Variants in HEATR5B observed in about 807,000 individuals in gnomAD.
HEATR5B encodes HEAT repeat-containing protein 5B.
A neutral mutation model predicts 224.1 loss-of-function variants in HEATR5B; 156 were observed. That is an observed-to-expected ratio of 0.70 (90% confidence interval 0.61 to 0.80). The LOEUF is 0.80. Ranked by LOEUF, HEATR5B falls within the 30% of genes least tolerant of loss-of-function variation. The pLI is 0.00. For missense variants in HEATR5B, 2,323 were observed against 2,535.5 expected, an observed-to-expected ratio of 0.92 and a Z score of 1.80; for synonymous variants, 1,027 against 893.0, an observed-to-expected ratio of 1.15 and a Z score of -2.68.
intron 2 of HEATR5B, among the ~76,000 whole-genome samples, 177 bp downstream of exon 2, chr2:37,083,112 A>G (rs938496797): frequency 2.6e-5 from 4 of 152,200 alleles, no homozygotes; most frequent in African/African-American, 4.8e-5. Context: ...AAGATAGGCA[A>G]TGAGCTGGAT....
Position 37,064,769 on chromosome 2 carries a change from G to T in HEATR5B, c.1555C>A (p.Pro519Thr). ...AALLGGVHQCPLGIPHAKGKM... is the reference protein window; with the variant it reads ...AALLGGVHQCTLGIPHAKGKM... The stretch of plus-strand genomic sequence containing the variant: ...CCTTTGGCATGAGGAATGCCCAAAG[G>T]ACACTGATGTACTCCACCTAACAAA... The change falls in exon 10 of 36, where the codon CCT (proline) becomes ACT (threonine). Residue 519 changes from proline to threonine, a missense_variant. Coordinates refer to ENST00000233099, the MANE Select transcript of HEATR5B (RefSeq NM_019024.3). 1.2e-6 allele frequency: 2 copies of T among 1,614,024 alleles called. No individual in the cohort carries two copies. Among genetic ancestry groups the T allele is most frequent in the Non-Finnish European group, 1.7e-6 (2 of 1,179,998 alleles).
chr2:37,079,846 T>C (rs934215523), intron 2 of HEATR5B, among the ~76,000 whole-genome samples: 2 of 152,212 alleles, frequency 1.3e-5, no homozygotes, highest in Admixed American at 6.5e-5. Flanking sequence ...TATTATGTAC[T>C]TAACGTATGC....
At chr2:37,049,631 G>T in intron 18 of HEATR5B, 22 bp downstream of exon 18, 1 of 1,597,830 alleles carries the variant, frequency 6.3e-7, no homozygotes. Flanking sequence ...CATGAAACTT[G>T]TTAGTAAAGA....
intron 6 of HEATR5B, among the ~76,000 whole-genome samples, chr2:37,071,787 C>T (rs1024614856): frequency 1.3e-5 from 2 of 151,572 alleles, no homozygotes; most frequent in East Asian, 3.9e-4. Flanking sequence ...CGGGTTCATG[C>T]GATTCTCCTG....
intron 21 of HEATR5B, among the ~76,000 whole-genome samples, chr2:37,035,596 C>T (rs1669427602): frequency 3.9e-5 from 6 of 152,194 alleles, no homozygotes; most frequent in Admixed American, 3.9e-4. Flanking sequence ...CACCACTCTT[C>T]TACTCCACTT....
At chr2:37,050,987 A>G (rs1441713559) in intron 17 of HEATR5B, among the ~76,000 whole-genome samples, 7 of 152,182 alleles carry the variant, frequency 4.6e-5, no homozygotes, top group Non-Finnish European at 1.5e-5. Flanking sequence ...ATGAGACTGC[A>G]GTGAGCCAAC....
At chr2:36,989,659 T>C (rs1032798911) in intron 34 of HEATR5B, among the ~76,000 whole-genome samples, 6 of 152,156 alleles carry the variant, frequency 3.9e-5, no homozygotes, top group Non-Finnish European at 8.8e-5. Flanking sequence ...TTAGAAAGGC[T>C]TCAGATTAAC....
intron 12 of HEATR5B, among the ~76,000 whole-genome samples, chr2:37,059,414 GT>G (rs1671118596): frequency 1.4e-5 from 1 of 70,210 alleles, no homozygotes; most frequent in Non-Finnish European, 2.6e-5. Flanking sequence ...ATATGTGTGT[GT>G]GTGTGTGTGT....
intron 17 of HEATR5B, among the ~76,000 whole-genome samples, chr2:37,051,781 C>T (rs959130593): frequency 6.6e-6 from 1 of 152,056 alleles, no homozygotes; most frequent in Non-Finnish European, 1.5e-5. Context: ...GCTCTGTCCC[C>T]CAGGCTGGAG....
intron 35 of HEATR5B, among the ~76,000 whole-genome samples, chr2:36,983,373 CAAAAAAA>C (rs57119983): frequency 7.2e-6 from 1 of 139,732 alleles, no homozygotes; most frequent in Non-Finnish European, 1.6e-5. Context: ...ACTAAAAATA[CAAAAAAA>C]AAAAAAAAAT....
intron 21 of HEATR5B, among the ~76,000 whole-genome samples, chr2:37,036,089 T>C (rs1308801116): frequency 1.3e-5 from 2 of 152,228 alleles, no homozygotes; most frequent in Non-Finnish European, 2.9e-5. Context: ...AGCAAATCAC[T>C]ACCATCTTCT....
At chr2:37,063,437 C>T (rs559350820) in intron 10 of HEATR5B, among the ~76,000 whole-genome samples, 2 of 152,242 alleles carry the variant, frequency 1.3e-5, no homozygotes, top group South Asian at 4.1e-4. Context: ...GTTTACCAGA[C>T]AAAGGAGATT....
Position 37,083,424 on chromosome 2 carries a change from T to C in HEATR5B, c.-10A>G, listed in dbSNP as rs1672742580. 2 of 1,607,818 alleles carry C rather than the reference T, an allele frequency of 1.2e-6. No individual in the cohort carries two copies. The highest frequency in any genetic ancestry group is 1.7e-5 in the Admixed American group (1 of 59,040). ...TGTGGGCTAACTCCATTACGGAAGT[T>C]TGAAATTCACACCTTAAATTTAACA... On this transcript the variant is annotated 5_prime_UTR_variant, in exon 2 of 36. Transcript: ENST00000233099.
intron 24 of HEATR5B, among the ~76,000 whole-genome samples, chr2:37,025,079 G>A (rs543240118): frequency 3.3e-5 from 5 of 152,326 alleles, no homozygotes; most frequent in African/African-American, 1.2e-4. Flanking sequence ...TGATAGAGGA[G>A]AGCCTGAATA....
At chr2:37,054,190 C>CTTTTTTTTTTTTTTTT in intron 16 of HEATR5B, among the ~76,000 whole-genome samples, 1 of 93,742 alleles carries the variant, frequency 1.1e-5, no homozygotes, top group Non-Finnish European at 2.0e-5. Context: ...GATGATTTCT[C>CTTTTTTTTTTTTTTTT]TGTTTTTTTT....
At chr2:37,037,643 T>A (rs965758375) in intron 21 of HEATR5B, among the ~76,000 whole-genome samples, 1 of 152,194 alleles carries the variant, frequency 6.6e-6, no homozygotes, top group Non-Finnish European at 1.5e-5. Flanking sequence ...TTAAAATAAC[T>A]ATGGATTATT....
Position 37,049,646 on chromosome 2 carries a change from C to T in HEATR5B, c.2696+7G>A. Reference sequence around the variant, plus strand: ...CATGAAACTTGTTAGTAAAGAAACCCACTTACTTGTCAAAGCTATATTGGG... The same window carrying T: ...CATGAAACTTGTTAGTAAAGAAACCTACTTACTTGTCAAAGCTATATTGGG... On this transcript the variant is annotated splice_region_variant and intron_variant, in intron 18 of 35. Coordinates refer to ENST00000233099, the MANE Select transcript of HEATR5B (RefSeq NM_019024.3). 1 of 1,608,100 alleles carries T rather than the reference C, an allele frequency of 6.2e-7. No homozygotes were observed. Among genetic ancestry groups the T allele is most frequent in the Non-Finnish European group, 8.5e-7 (1 of 1,178,018 alleles).
At position 37,044,325 on chromosome 2, in the gene HEATR5B, T is replaced by C. The variant is rs575903681; in HGVS notation, c.2697-3033A>G. 8.5e-5 allele frequency among the ~76,000 whole-genome samples: 13 copies of C among 152,356 alleles called. No homozygotes were observed. In the South Asian group the frequency reaches 2.5e-3, roughly 29 times the overall value. ...ACCACTGAGCTGTCTTCTATCATTA[T>C]AGTTTACCTTTTATATAGTTTCATA... is the stretch of plus-strand genomic sequence containing the variant. On this transcript the variant is annotated intron_variant, in intron 18 of 35. Transcript: ENST00000233099.
intron 17 of HEATR5B, 133 bp from the exon 18 acceptor site, chr2:37,049,976 G>A (rs1046860009): frequency 1.4e-5 from 11 of 811,920 alleles, no homozygotes; most frequent in African/African-American, 1.1e-4. Flanking sequence ...CTACAGCCTC[G>A]ACCTTCTGAG....
Sources: gnomAD v4.1 joint callset for allele counts (sites outside exome capture counted in the v4.1 genomes callset) on GRCh38, gnomAD v4.1.1 for gene constraint, MANE v1.5 for transcripts, NCBI Gene and HGNC (gene_info 2026-07-23, HGNC 2026-07-21) for gene names.